BICD2: variants seen among roughly 807,000 people sequenced by gnomAD.
BICD2 encodes protein bicaudal D homolog 2.
Under a neutral mutation model 72.9 loss-of-function variants are expected in BICD2, and 25 were observed. That is an observed-to-expected ratio of 0.34 (90% CI 0.25 to 0.48). The LOEUF (loss-of-function observed/expected upper bound fraction) is 0.48. Among genes scored for constraint, BICD2 ranks in the 20% least tolerant of loss-of-function variants. The probability of loss-of-function intolerance (pLI) is 0.99; values close to 1 mark genes in which losing one functional copy is unlikely to be tolerated. For synonymous variants in BICD2, 501 were observed against 516.1 expected (o/e 0.97, Z 0.40); for missense variants, 894 against 1,175.2 (o/e 0.76, Z 3.50).
chr9:92,715,417 C>T lies in BICD2; in HGVS notation c.2305G>A (p.Ala769Thr), dbSNP rs749155856. 6.2e-7 allele frequency: 1 copy of T among 1,604,668 alleles called. No homozygotes were observed. The highest frequency in any genetic ancestry group is 2.2e-5 in the East Asian group (1 of 44,588). Residue 769 changes from alanine to threonine, a missense_variant, in exon 7 of 7, where the codon GCG (alanine) becomes ACG (threonine). Around this residue, in one of 5 missense-constraint regions of BICD2, gnomAD observed 321 missense variants for 443.9 expected, o/e 0.72. Transcript: ENST00000356884. Reference sequence around the variant, plus strand: ...GTCTTCTTCTCGTCCTCAGCAGCCGCCAGCTGCCGCTGCATCTCATCCAGC... The same window carrying T: ...GTCTTCTTCTCGTCCTCAGCAGCCGTCAGCTGCCGCTGCATCTCATCCAGC... ...TQLDEMQRQL[A>T]AAEDEKKTLN...
At chr9:92,750,150 G>T (rs1220758011) in intron 1 of BICD2, among the ~76,000 whole-genome samples, 1 of 152,226 alleles carries the variant, frequency 6.6e-6, no homozygotes, top group Non-Finnish European at 1.5e-5. Context: ...TCCCACCACA[G>T]GATGAACTAT....
chr9:92,758,450 G>T (rs1389419029), intron 1 of BICD2, among the ~76,000 whole-genome samples: 1 of 150,802 alleles, frequency 6.6e-6, no homozygotes, highest in African/African-American at 2.4e-5. Context: ...TACTCAGGAG[G>T]CTGAGGCATG....
chr9:92,750,400 CT>C (rs1854122888), intron 1 of BICD2, among the ~76,000 whole-genome samples: 1 of 151,474 alleles, frequency 6.6e-6, no homozygotes, highest in South Asian at 2.1e-4. Context: ...ACTAAGATGT[CT>C]TTCAATAGGT....
intron 1 of BICD2, among the ~76,000 whole-genome samples, chr9:92,740,560 C>T (rs1222924617): frequency 6.6e-6 from 1 of 151,682 alleles, no homozygotes; most frequent in East Asian, 1.9e-4. Context: ...TGGTGGATTG[C>T]ACTAAAAATA....
chr9:92,722,742 C>T lies in BICD2; in HGVS notation c.520G>A (p.Glu174Lys). Residue 174 changes from glutamate to lysine, a missense_variant, in exon 3 of 7, where the codon GAA becomes AAA. Glu to Lys is a moderately conservative substitution (Grantham distance 56). This residue lies in a region of BICD2 where 192 missense variants were observed against 243.6 expected (regional missense o/e 0.79). Transcript: ENST00000356884. ...GAGTAGTCCTGCAGCAGACGAGCTTCCCGGAATTTGTACTCCTTGATGTCA... is the reference window on the plus strand; with the variant it reads ...GAGTAGTCCTGCAGCAGACGAGCTTTCCGGAATTTGTACTCCTTGATGTCA... ...RDDIKEYKFR[E>K]ARLLQDYSEL... is the part of the protein sequence containing the mutation. The T allele has an allele frequency of 6.2e-7, 1 of 1,614,206 alleles. No homozygotes were observed. Among genetic ancestry groups the T allele is most frequent in the East Asian group, 2.2e-5 (1 of 44,882 alleles).
chr9:92,718,936 C>T lies in BICD2; in HGVS notation c.1709G>A (p.Gly570Glu), dbSNP rs1423665995. ...GQGGAGRTSP[G>E]GRTSPEARGR... ...ACGCGCCTCGGGGCTGGTGCGGCCC[C>T]CGGGACTGGTGCGGCCGGCCCCGCC... The change falls in exon 5 of 7, where the codon GGG becomes GAG. Residue 570 changes from glycine (G) to glutamate (E), a missense_variant. Physicochemically the swap from Gly to Glu is moderately conservative, Grantham distance 98. Coordinates refer to ENST00000356884, the MANE Select transcript of BICD2 (RefSeq NM_001003800.2). 2 of 1,608,916 alleles carry T rather than the reference C, an allele frequency of 1.2e-6. No individual in the cohort carries two copies. Among genetic ancestry groups the T allele is most frequent in the East Asian group, 2.2e-5 (1 of 44,844 alleles).
At chr9:92,717,770 G>A (rs770798582) in intron 6 of BICD2, 27 bp downstream of exon 6, 1 of 1,584,776 alleles carries the variant, frequency 6.3e-7, no homozygotes, top group South Asian at 1.1e-5. Flanking sequence ...CTTGTGGAAG[G>A]GGAGGGCCCG....
chr9:92,761,067 C>A (rs957567935), intron 1 of BICD2, among the ~76,000 whole-genome samples: 7 of 152,120 alleles, frequency 4.6e-5, no homozygotes, highest in Non-Finnish European at 1.0e-4. Context: ...CTCAGCAAGT[C>A]CAGAAGGCAG....
intron 1 of BICD2, among the ~76,000 whole-genome samples, chr9:92,760,530 T>G (rs545284780): frequency 9.8e-5 from 15 of 152,324 alleles, no homozygotes; most frequent in Middle Eastern, 6.8e-3. Context: ...TTTAAAAGTG[T>G]AAGGGTCCCT....
chr9:92,727,364 C>T (rs1451772976), intron 2 of BICD2, among the ~76,000 whole-genome samples: 1 of 152,188 alleles, frequency 6.6e-6, no homozygotes, highest in African/African-American at 2.4e-5. Flanking sequence ...TAAGTGCTCC[C>T]ACAATGTGGG....
intron 1 of BICD2, among the ~76,000 whole-genome samples, chr9:92,730,120 C>T (rs1853650920): frequency 6.6e-6 from 1 of 152,206 alleles, no homozygotes; most frequent in African/African-American, 2.4e-5. Context: ...ACATAGCTGG[C>T]GTGGCAGGAC....
intron 1 of BICD2, among the ~76,000 whole-genome samples, chr9:92,737,569 A>G (rs1029221322): frequency 6.6e-6 from 1 of 152,176 alleles, no homozygotes. Context: ...CACCCCAAAT[A>G]GAGGCTGAGA....
rs759865700 is a variant in BICD2, at chr9:92,717,939, C to T, written c.2116G>A (p.Val706Met). The change falls in exon 6 of 7, where the codon GTG becomes ATG. Residue 706 changes from valine to methionine, a missense_variant. Transcript: ENST00000356884. ...TTGCTCTTCAGGTTGGCAAGGGCCACCTCGGCCGTCTGGGGGACAGATGTG... is the reference window on the plus strand; with the variant it reads ...TTGCTCTTCAGGTTGGCAAGGGCCATCTCGGCCGTCTGGGGGACAGATGTG... ...VLKANKQTAE[V>M]ALANLKSKYE... 3 of 1,613,200 alleles carry T rather than the reference C, an allele frequency of 1.9e-6. No homozygotes were observed. Among genetic ancestry groups the T allele is most frequent in the Non-Finnish European group, 2.5e-6 (3 of 1,179,838 alleles).
chr9:92,752,696 G>C (rs556904182), intron 1 of BICD2, among the ~76,000 whole-genome samples: 1 of 152,322 alleles, frequency 6.6e-6, no homozygotes, highest in Admixed American at 6.5e-5. Flanking sequence ...GGTCAAAGTT[G>C]CAGTGAGTCA....
rs562617547 is a variant in BICD2, at chr9:92,720,573, G to A, written c.789C>T (p.His263=). Residue 263 remains histidine (H), a synonymous_variant, in exon 4 of 7, where the codon CAC becomes CAT. Coordinates refer to ENST00000356884, the MANE Select transcript of BICD2 (RefSeq NM_001003800.2). This position sits in a 1 kb window ranked among gnomAD's most constrained non-coding sequence, Gnocchi z 5.4. Reference sequence around the variant, plus strand: ...AGAAGGAGTCATTGATGCTCATGTAGTGTGACAGCTCCTTGCGCAGGCTGT... The same window carrying A: ...AGAAGGAGTCATTGATGCTCATGTAATGTGACAGCTCCTTGCGCAGGCTGT... ...QKNSLRKELS[H]YMSINDSFYT... 1 of 1,614,210 alleles carries A rather than the reference G, an allele frequency of 6.2e-7. No individual in the cohort carries two copies. The highest frequency in any genetic ancestry group is 1.1e-5 in the South Asian group (1 of 91,082).
At position 92,720,494 on chromosome 9, in the gene BICD2, C is replaced by T. The variant is rs372821254; in HGVS notation, c.868G>A (p.Ala290Thr). The change falls in exon 4 of 7, where the codon GCC becomes ACC. Residue 290 changes from alanine to threonine, a missense_variant. Coordinates refer to ENST00000356884, the MANE Select transcript of BICD2 (RefSeq NM_001003800.2). The surrounding 1 kb of genome is among the most constrained non-coding windows in gnomAD (Gnocchi z 5.4). ...GCCTCGGCATCGTTGTTGGGCTCGG[C>T]AGCATCGTCACTGAACTTGAGGCCA... ...LDGLKFSDDAAEPNNDAEALV... is the reference protein window; with the variant it reads ...LDGLKFSDDATEPNNDAEALV... 6.2e-7 allele frequency: 1 copy of T among 1,614,102 alleles called. No individual in the cohort carries two copies. The highest frequency in any genetic ancestry group is 1.3e-5 in the African/African-American group (1 of 74,916).
At chr9:92,757,500 A>G (rs1264635630) in intron 1 of BICD2, among the ~76,000 whole-genome samples, 1 of 150,842 alleles carries the variant, frequency 6.6e-6, no homozygotes, top group Non-Finnish European at 1.5e-5. Context: ...TTAGGTGTGA[A>G]AGTTCAACAA....
chr9:92,747,918 C>T (rs1854048962), intron 1 of BICD2, among the ~76,000 whole-genome samples: 1 of 152,160 alleles, frequency 6.6e-6, no homozygotes, highest in African/African-American at 2.4e-5. Flanking sequence ...GGCCCCACAC[C>T]CGAAGTGGGC....
At chr9:92,762,706 G>A (rs1322906312) in intron 1 of BICD2, among the ~76,000 whole-genome samples, 2 of 152,344 alleles carry the variant, frequency 1.3e-5, no homozygotes, top group Non-Finnish European at 1.5e-5. Context: ...GGGCACCAAA[G>A]CGGGGACAAG....
Sources: allele counts gnomAD v4.1 joint callset (sites outside exome capture counted in the v4.1 genomes callset), GRCh38; gene constraint gnomAD v4.1.1; regional missense constraint gnomAD v4.1.1; non-coding constraint Gnocchi (gnomAD v3.1); transcripts MANE v1.5; gene names NCBI Gene and HGNC (gene_info 2026-07-23, HGNC 2026-07-21).